The following RLN2 variants were observed in gnomAD, a reference collection of about 807,000 sequenced individuals.
RLN2 encodes the protein prorelaxin H2.
In RLN2, 10 loss-of-function variants were observed where a neutral mutation model predicts 7.3. That is an observed-to-expected ratio of 1.36 (90% CI 0.84 to 2.31). The LOEUF is 2.31. Ranked by LOEUF, RLN2 falls within the 30% of genes most tolerant of loss-of-function variation. The pLI is 0.00. For synonymous variants in RLN2, 103 were observed against 82.3 expected, an observed-to-expected ratio of 1.25 and a Z score of -1.36; for missense variants, 298 against 217.6, an observed-to-expected ratio of 1.37 and a Z score of -2.32.
At position 5,300,332 on chromosome 9, in the gene RLN2, T is replaced by C; in HGVS notation, c.324A>G (p.Ala108=). ...LKLTLSEMQP[A]LPQLQQHVPV... is the part of the protein sequence containing the mutation. ...GTACATGTTGTTGTAGCTGTGGTAA[T>C]GCTGGCTGCATCTCAGACAGGGTTA... Residue 108 remains alanine (A), a synonymous_variant, in exon 2 of 2, where the codon GCA becomes GCG. Coordinates refer to ENST00000381627, the MANE Select transcript of RLN2 (RefSeq NM_134441.3). 4 of 1,613,862 alleles carry C rather than the reference T, an allele frequency of 2.5e-6. No homozygotes were observed. Among genetic ancestry groups the C allele is most frequent in the Non-Finnish European group, 3.4e-6 (4 of 1,179,748 alleles).
At chr9:5,317,186 C>A in the RLN2 span, among the ~76,000 whole-genome samples, 1 of 151,796 alleles carries the variant, frequency 6.6e-6, no homozygotes, top group South Asian at 2.1e-4. Context: ...AAACAATTAA[C>A]CAAATGGCAA....
chr9:5,307,690 G>T (rs903356594), upstream of RLN2, among the ~76,000 whole-genome samples: 1 of 151,940 alleles, frequency 6.6e-6, no homozygotes, highest in African/African-American at 2.4e-5. Flanking sequence ...CATTGCCCTC[G>T]TCCTTCTGTG....
At chr9:5,307,570 G>A (rs557458604), upstream of RLN2, among the ~76,000 whole-genome samples, 210 of 152,100 alleles carry the variant, frequency 1.4e-3, 3 homozygotes, top group Non-Finnish European at 2.6e-3. Flanking sequence ...CTGCCTCCAC[G>A]GATTTTGTGG....
At chr9:5,339,116 G>C in the RLN2 span, 1 of 157,562 alleles carries the variant, frequency 6.3e-6, no homozygotes, top group Non-Finnish European at 1.1e-5. Flanking sequence ...CCCTGTTCAG[G>C]TGCCCCCACC....
chr9:5,327,265 C>T, the RLN2 span, among the ~76,000 whole-genome samples: 1 of 152,094 alleles, frequency 6.6e-6, no homozygotes, highest in South Asian at 2.1e-4. Context: ...CTAGGCAGGT[C>T]CCATGCCCAA....
At chr9:5,306,858 G>C (rs1816260885), upstream of RLN2, among the ~76,000 whole-genome samples, 1 of 152,058 alleles carries the variant, frequency 6.6e-6, no homozygotes, top group Non-Finnish European at 1.5e-5. Flanking sequence ...GTAAGTGCTA[G>C]ACATGGTTTC....
chr9:5,330,107 C>G, the RLN2 span, among the ~76,000 whole-genome samples: 1 of 152,004 alleles, frequency 6.6e-6, no homozygotes, highest in Non-Finnish European at 1.5e-5. Flanking sequence ...TTAAGAAACT[C>G]ACTCAAAACT....
the RLN2 span, among the ~76,000 whole-genome samples, chr9:5,324,710 A>G: frequency 3.3e-5 from 5 of 152,110 alleles, no homozygotes; most frequent in Admixed American, 2.6e-4. Context: ...TATAAATATT[A>G]TAAAAGTACG....
At chr9:5,333,778 C>A in the RLN2 span, among the ~76,000 whole-genome samples, 1 of 151,968 alleles carries the variant, frequency 6.6e-6, no homozygotes, top group African/African-American at 2.4e-5. Context: ...TCAATAAACA[C>A]TGGCAAGCAA....
chr9:5,311,411 G>T, the RLN2 span: 2 of 524,528 alleles, frequency 3.8e-6, no homozygotes, highest in African/African-American at 1.9e-5. Flanking sequence ...CTTAATACAA[G>T]AATACAATTT....
At chr9:5,325,970 G>C in the RLN2 span, among the ~76,000 whole-genome samples, 1 of 151,972 alleles carries the variant, frequency 6.6e-6, no homozygotes, top group Non-Finnish European at 1.5e-5. Flanking sequence ...TTAGTCAACA[G>C]ACACTTGTCT....
chr9:5,311,771 T>C, the RLN2 span: 3 of 786,630 alleles, frequency 3.8e-6, no homozygotes, highest in East Asian at 2.5e-5. Flanking sequence ...GTTTGAAATA[T>C]GATTTTTTTA....
the RLN2 span, among the ~76,000 whole-genome samples, chr9:5,322,419 A>C: frequency 6.6e-6 from 1 of 152,046 alleles, no homozygotes; most frequent in Non-Finnish European, 1.5e-5. Context: ...AACTACATAA[A>C]AACAACGACA....
the RLN2 span, among the ~76,000 whole-genome samples, chr9:5,328,238 C>A: frequency 6.6e-6 from 1 of 151,946 alleles, no homozygotes; most frequent in Non-Finnish European, 1.5e-5. Flanking sequence ...GAGCTGAAAA[C>A]CATGCCATGA....
the RLN2 span, among the ~76,000 whole-genome samples, chr9:5,319,244 C>A: frequency 6.6e-6 from 1 of 151,836 alleles, no homozygotes; most frequent in African/African-American, 2.4e-5. Context: ...TCTTTAATTC[C>A]TGGGAAGCAA....
At chr9:5,332,336 T>G in the RLN2 span, among the ~76,000 whole-genome samples, 1 of 152,012 alleles carries the variant, frequency 6.6e-6, no homozygotes, top group East Asian at 1.9e-4. Flanking sequence ...TATTACTTTT[T>G]CAATAAAAAA....
the RLN2 span, among the ~76,000 whole-genome samples, chr9:5,324,647 T>C: frequency 6.6e-6 from 1 of 152,034 alleles, no homozygotes; most frequent in Admixed American, 6.6e-5. Flanking sequence ...ATCATCCAAA[T>C]ATTTCTTCTT....
At chr9:5,334,622 G>A in the RLN2 span, among the ~76,000 whole-genome samples, 2 of 151,788 alleles carry the variant, frequency 1.3e-5, no homozygotes, top group South Asian at 4.2e-4. Context: ...ATGTCTATAC[G>A]TTTTTCTCCT....
At chr9:5,318,733 T>C in the RLN2 span, among the ~76,000 whole-genome samples, 44 of 152,078 alleles carry the variant, frequency 2.9e-4, no homozygotes, top group Non-Finnish European at 5.7e-4. Flanking sequence ...TTGTAGTTTT[T>C]GCTGAGGATT....
Sources: allele counts gnomAD v4.1 joint callset (sites outside exome capture counted in the v4.1 genomes callset), GRCh38; gene constraint gnomAD v4.1.1; transcripts MANE v1.5; gene names NCBI Gene and HGNC (gene_info 2026-07-23, HGNC 2026-07-21).